The following FAM107B variants were observed in gnomAD, a reference collection of about 807,000 sequenced individuals.
The protein encoded by FAM107B is family with sequence similarity 107 member B, also known as protein FAM107B.
Under a neutral mutation model 31.5 loss-of-function variants are expected in FAM107B, and 21 were observed. That is an observed-to-expected ratio of 0.67 (90% confidence interval 0.47 to 0.96). FAM107B has a LOEUF of 0.96. Ranked by LOEUF, FAM107B falls within the 40% of genes least tolerant of loss-of-function variation. FAM107B has a pLI of 0.00. For missense variants in FAM107B, 452 were observed against 377.1 expected, an observed-to-expected ratio of 1.20 and a Z score of -1.64; for synonymous variants, 157 against 141.5, an observed-to-expected ratio of 1.11 and a Z score of -0.78.
chr10:14,579,411 C>T (rs1851563357), intron 2 of FAM107B, among the ~76,000 whole-genome samples: 1 of 152,232 alleles, frequency 6.6e-6, no homozygotes, highest in South Asian at 2.1e-4. Flanking sequence ...CAGTGCATAT[C>T]TAAACCCTCT....
At chr10:14,551,245 T>C (rs1219509944) in intron 2 of FAM107B, among the ~76,000 whole-genome samples, 1 of 152,160 alleles carries the variant, frequency 6.6e-6, no homozygotes, top group Non-Finnish European at 1.5e-5. Context: ...CCTCCCAGTT[T>C]TAAGCGATTC....
intron 2 of FAM107B, among the ~76,000 whole-genome samples, chr10:14,624,838 A>T (rs1051452965): frequency 6.6e-6 from 1 of 152,226 alleles, no homozygotes; most frequent in Admixed American, 6.5e-5. Context: ...CACATACATA[A>T]GGAAGTTCCT....
intron 2 of FAM107B, among the ~76,000 whole-genome samples, chr10:14,637,086 T>C (rs781149434): frequency 6.6e-6 from 1 of 152,140 alleles, no homozygotes; most frequent in South Asian, 2.1e-4. Context: ...AGGGGAGACT[T>C]TGTTCCTACT....
At chr10:14,587,426 T>C (rs1451538621) in intron 2 of FAM107B, among the ~76,000 whole-genome samples, 2 of 152,202 alleles carry the variant, frequency 1.3e-5, no homozygotes, top group Non-Finnish European at 2.9e-5. Flanking sequence ...GAAGTCAAAA[T>C]GTGGACAACA....
At position 14,689,408 on chromosome 10, in the gene FAM107B, C is replaced by A. The variant is rs959969126; in HGVS notation, c.412-21717G>T. ...AAAAAAAAAAAAGAATAAAAATTTT[C>A]TTTTAAAAAAAGAAGCTCCTAGAGA... On this transcript the variant is annotated intron_variant, in intron 1 of 4. Transcript: ENST00000181796. Among the ~76,000 whole-genome samples, 25 of 149,068 alleles carry A rather than the reference C, an allele frequency of 1.7e-4. 1 individual carries two copies. The Middle Eastern group carries it at 0.01, about 63-fold the overall frequency.
At chr10:14,617,681 C>T (rs75157871) in intron 2 of FAM107B, among the ~76,000 whole-genome samples, 78 of 150,018 alleles carry the variant, frequency 5.2e-4, no homozygotes, top group Non-Finnish European at 7.7e-4. Flanking sequence ...AGAAAGGACA[C>T]TGCTGCATCT....
At chr10:14,770,623 C>T (rs2131600410) in intron 1 of FAM107B, among the ~76,000 whole-genome samples, 1 of 152,238 alleles carries the variant, frequency 6.6e-6, no homozygotes, top group South Asian at 2.1e-4. Flanking sequence ...ACTACAAGAC[C>T]ACTAAGAAGG....
intron 2 of FAM107B, among the ~76,000 whole-genome samples, chr10:14,543,452 G>A (rs538654521): frequency 1.8e-4 from 27 of 152,018 alleles, no homozygotes; most frequent in Non-Finnish European, 2.8e-4. Flanking sequence ...GAGCTCGGGA[G>A]AGAGGCACGG....
chr10:14,549,374 G>A (rs1488939852), intron 2 of FAM107B, among the ~76,000 whole-genome samples: 2 of 152,212 alleles, frequency 1.3e-5, no homozygotes, highest in Non-Finnish European at 2.9e-5. Context: ...CTGAGTACTC[G>A]CAGCATCTAT....
At chr10:14,771,875 T>A (rs2609809) in intron 1 of FAM107B, among the ~76,000 whole-genome samples, 7,623 of 152,250 alleles carry the variant, frequency 0.05, 629 homozygotes, top group African/African-American at 0.18. Context: ...GAATAGTTGA[T>A]CCTAAATCCT....
At chr10:14,603,380 C>T (rs1380687068) in intron 2 of FAM107B, among the ~76,000 whole-genome samples, 2 of 152,092 alleles carry the variant, frequency 1.3e-5, no homozygotes, top group African/African-American at 4.8e-5. Context: ...TTTCTTTGAC[C>T]CCTCAAAATC....
At chr10:14,582,537 C>T (rs1005259155) in intron 2 of FAM107B, among the ~76,000 whole-genome samples, 8 of 151,874 alleles carry the variant, frequency 5.3e-5, no homozygotes, top group African/African-American at 1.9e-4. Context: ...GCCACCACAC[C>T]CGGCTAATTT....
chr10:14,546,683 T>C (rs572828776), intron 2 of FAM107B, among the ~76,000 whole-genome samples: 1 of 152,328 alleles, frequency 6.6e-6, no homozygotes, highest in South Asian at 2.1e-4. Flanking sequence ...AAGTCCCTAC[T>C]TCCCACTGCA....
Position 14,761,569 on chromosome 10 carries a change from A to G in FAM107B, c.411+12684T>C, listed in dbSNP as rs115896628. Among the ~76,000 whole-genome samples, 998 of 152,236 alleles carry G rather than the reference A, an allele frequency of 6.6e-3. 11 individuals are homozygous for G. Among genetic ancestry groups the G allele is most frequent in the African/African-American group, 0.021 (888 of 41,554 alleles). ...GCCACTGAAAGCATGCTAATGATAC[A>G]AGGAGGAAGTTTAGGAAGGGAGATA... is the stretch of plus-strand genomic sequence containing the variant. On this transcript the variant is annotated intron_variant, in intron 1 of 4. Transcript: ENST00000181796.
intron 1 of FAM107B, among the ~76,000 whole-genome samples, chr10:14,762,213 C>A (rs75350674): frequency 0.032 from 4,825 of 152,264 alleles, 103 homozygotes; most frequent in Admixed American, 0.06. Flanking sequence ...TGGGCATCCC[C>A]TCCTCACCCA....
At chr10:14,629,017 T>C (rs1288343893) in intron 2 of FAM107B, among the ~76,000 whole-genome samples, 2 of 151,126 alleles carry the variant, frequency 1.3e-5, no homozygotes, top group Non-Finnish European at 2.9e-5. Context: ...ATGTTATATA[T>C]ATATTAGCTT....
chr10:14,714,607 G>A (rs1052881636), intron 1 of FAM107B, among the ~76,000 whole-genome samples: 8 of 152,030 alleles, frequency 5.3e-5, no homozygotes, highest in Non-Finnish European at 7.4e-5. Context: ...ACACCTACCC[G>A]AAGACTTTAA....
chr10:14,559,055 G>A (rs1849970777), intron 2 of FAM107B, among the ~76,000 whole-genome samples: 1 of 150,420 alleles, frequency 6.6e-6, no homozygotes, highest in Non-Finnish European at 1.5e-5. Flanking sequence ...GTCCAGCTGT[G>A]GCTTTCAACC....
intron 1 of FAM107B, among the ~76,000 whole-genome samples, chr10:14,755,077 G>A (rs1588757495): frequency 6.6e-6 from 1 of 152,112 alleles, no homozygotes; most frequent in Admixed American, 6.5e-5. Flanking sequence ...CCAGAGAAAA[G>A]CATATTTTAG....
Sources: allele counts gnomAD v4.1 joint callset (sites outside exome capture counted in the v4.1 genomes callset), GRCh38; gene constraint gnomAD v4.1.1; transcripts MANE v1.5; gene names NCBI Gene and HGNC (gene_info 2026-07-23, HGNC 2026-07-21).